RCC2: variants seen among roughly 807,000 people sequenced by gnomAD.
RCC2 encodes regulator of chromosome condensation 2.
In RCC2, 19 loss-of-function variants were observed where a neutral mutation model predicts 64.1. That is an observed-to-expected ratio of 0.30 (90% CI 0.21 to 0.44). The LOEUF (loss-of-function observed/expected upper bound fraction) is 0.44, where lower values mean the gene tolerates loss of function less well. Among genes scored for constraint, RCC2 ranks in the 20% least tolerant of loss-of-function variants. The pLI is 1.00. For synonymous variants in RCC2, 325 were observed against 279.6 expected (o/e 1.16, Z -1.62); for missense variants, 508 against 710.4 (o/e 0.72, Z 3.24).
Position 17,413,185 on chromosome 1 carries a change from G to A in RCC2, c.1208-7C>T, listed in dbSNP as rs771574352. 38 of 1,594,628 alleles carry A rather than the reference G, an allele frequency of 2.4e-5. No homozygotes were observed. The highest frequency in any genetic ancestry group is 3.0e-5 in the Non-Finnish European group (35 of 1,163,216). ...CCCCAGAAAAACAGACCACCTAAGG[G>A]AAGACAAAACATGTTCCCAGCGTGA... On this transcript the variant is annotated splice_polypyrimidine_tract_variant and splice_region_variant and intron_variant, in intron 9 of 12. Coordinates refer to ENST00000375436, the MANE Select transcript of RCC2 (RefSeq NM_018715.4).
chr1:17,432,764 A>C (rs537383150), intron 2 of RCC2, among the ~76,000 whole-genome samples: 52 of 152,308 alleles, frequency 3.4e-4, no homozygotes, highest in Non-Finnish European at 6.2e-4. Flanking sequence ...CAAGCTAGCT[A>C]AGCATTTATA....
chr1:17,420,922 A>G (rs2075548943), intron 6 of RCC2, 94 bp from the exon 7 acceptor site: 3 of 781,084 alleles, frequency 3.8e-6, no homozygotes, highest in Non-Finnish European at 6.2e-6. Flanking sequence ...TTACTAGGTT[A>G]CAAACGGAAG....
At chr1:17,433,530 C>G (rs1388655618) in intron 2 of RCC2, among the ~76,000 whole-genome samples, 1 of 152,164 alleles carries the variant, frequency 6.6e-6, no homozygotes. Context: ...TTTTTTTGGA[C>G]GAACTCAGTG....
At chr1:17,438,080 G>A (rs1021196447) in intron 2 of RCC2, 150 bp downstream of exon 2, 6 of 399,510 alleles carry the variant, frequency 1.5e-5, no homozygotes, top group African/African-American at 4.4e-5. Flanking sequence ...GGAGGCGGAG[G>A]CAATGATTCA....
At chr1:17,424,066 G>C (rs2075586392) in intron 4 of RCC2, among the ~76,000 whole-genome samples, 1 of 152,212 alleles carries the variant, frequency 6.6e-6, no homozygotes, top group South Asian at 2.1e-4. Flanking sequence ...TGTGAATACA[G>C]AGCAACAAGT....
chr1:17,409,599 C>T (rs551482726), intron 12 of RCC2, among the ~76,000 whole-genome samples: 17 of 152,380 alleles, frequency 1.1e-4, no homozygotes, highest in Middle Eastern at 3.4e-3. Context: ...GGCCTCACCC[C>T]GCCATCTGAC....
At chr1:17,426,299 C>T (rs2075615535) in intron 3 of RCC2, among the ~76,000 whole-genome samples, 1 of 152,152 alleles carries the variant, frequency 6.6e-6, no homozygotes, top group Admixed American at 6.5e-5. Flanking sequence ...AGGAGGGGCA[C>T]TGCTCACACA....
chr1:17,409,572 GCTGA>G (rs2075403160), intron 12 of RCC2, among the ~76,000 whole-genome samples: 1 of 152,208 alleles, frequency 6.6e-6, no homozygotes, highest in African/African-American at 2.4e-5. Context: ...CAGCAGGCTG[GCTGA>G]CTGAGCCGCA....
intron 3 of RCC2, among the ~76,000 whole-genome samples, chr1:17,426,888 G>A (rs183650887): frequency 2.0e-5 from 3 of 150,170 alleles, no homozygotes; most frequent in African/African-American, 7.3e-5. Context: ...TCAGCCTCAC[G>A]AGTAACTGGG....
chr1:17,434,784 G>C (rs1243759537), intron 2 of RCC2, among the ~76,000 whole-genome samples: 3 of 152,218 alleles, frequency 2.0e-5, no homozygotes, highest in Non-Finnish European at 2.9e-5. Flanking sequence ...CTTGATAGCA[G>C]GGGGAGACCT....
At chr1:17,436,224 C>T (rs1426167855) in intron 2 of RCC2, among the ~76,000 whole-genome samples, 1 of 152,180 alleles carries the variant, frequency 6.6e-6, no homozygotes, top group Non-Finnish European at 1.5e-5. Flanking sequence ...ACATGCAACC[C>T]AACACAGGGC....
rs533306393 is a variant in RCC2, at chr1:17,408,599, C to T, written c.*491G>A. The T allele has an allele frequency of 1.9e-5, 3 of 158,944 alleles. No individual in the cohort carries two copies. Among genetic ancestry groups the T allele is most frequent in the African/African-American group, 7.2e-5 (3 of 41,600 alleles). The allele number at this position is 158,944 out of a possible 1,614,324, so 9.8% of individuals were successfully genotyped here. ...AGGAGTGACCCGGATGCTTCCGAAG[C>T]ACGCGAGCGTGATTTTGGATGGAGG... On this transcript the variant is annotated 3_prime_UTR_variant, in exon 13 of 13. Transcript: ENST00000375436.
At chr1:17,435,918 CA>C (rs57932179) in intron 2 of RCC2, among the ~76,000 whole-genome samples, 41,822 of 88,088 alleles carry the variant, frequency 0.47, 6,003 homozygotes, top group African/African-American at 0.55. Flanking sequence ...AACTCCAGCT[CA>C]AAAAAAAAAA....
chr1:17,414,899 C>T (rs1254974355), intron 8 of RCC2, among the ~76,000 whole-genome samples: 6 of 152,192 alleles, frequency 3.9e-5, no homozygotes, highest in Non-Finnish European at 7.3e-5. Flanking sequence ...TGATTACAAA[C>T]ATGAACCACT....
At chr1:17,429,631 G>A (rs1557632270) in intron 2 of RCC2, among the ~76,000 whole-genome samples, 1 of 152,166 alleles carries the variant, frequency 6.6e-6, no homozygotes, top group Non-Finnish European at 1.5e-5. Context: ...AACCTTAGGA[G>A]CCTCACATCA....
intron 7 of RCC2, among the ~76,000 whole-genome samples, chr1:17,419,993 G>C (rs1303613672): frequency 6.6e-6 from 1 of 152,234 alleles, no homozygotes; most frequent in Non-Finnish European, 1.5e-5. Context: ...CCATCTGCCA[G>C]GCGCTGCGGC....
intron 2 of RCC2, among the ~76,000 whole-genome samples, chr1:17,436,344 A>C (rs918537488): frequency 1.3e-5 from 2 of 152,172 alleles, no homozygotes; most frequent in Non-Finnish European, 2.9e-5. Context: ...CCTCTACAAA[A>C]AGTACAAAAA....
At chr1:17,417,049 A>C (rs903813664) in intron 7 of RCC2, among the ~76,000 whole-genome samples, 3 of 152,224 alleles carry the variant, frequency 2.0e-5, no homozygotes, top group African/African-American at 7.2e-5. Flanking sequence ...CTATCAAGTA[A>C]GATCTCTACC....
intron 11 of RCC2, among the ~76,000 whole-genome samples, chr1:17,411,609 G>T (rs1444131825): frequency 2.0e-5 from 3 of 149,958 alleles, no homozygotes; most frequent in Non-Finnish European, 4.4e-5. Flanking sequence ...GACTCACCTA[G>T]CACCAGGATC....
Sources: gnomAD v4.1 joint callset for allele counts (sites outside exome capture counted in the v4.1 genomes callset) on GRCh38, gnomAD v4.1.1 for gene constraint, MANE v1.5 for transcripts, NCBI Gene and HGNC (gene_info 2026-07-23, HGNC 2026-07-21) for gene names.